The following PAPOLA variants were observed in gnomAD, a reference collection of about 807,000 sequenced individuals.
The protein encoded by PAPOLA is poly(A) polymerase alpha.
A neutral mutation model predicts 100.6 loss-of-function variants in PAPOLA; 15 were observed. The observed-to-expected ratio is 0.15, with a 90% CI of 0.10 to 0.23. The LOEUF is 0.23. Among genes scored for constraint, PAPOLA ranks in the 10% least tolerant of loss-of-function variants. The pLI, the probability that PAPOLA is intolerant of heterozygous loss-of-function variation, is 1.00. For missense variants in PAPOLA, 533 were observed against 884.2 expected (o/e 0.60, Z 5.04); for synonymous variants, 293 against 300.0 (o/e 0.98, Z 0.24).
intron 1 of PAPOLA, among the ~76,000 whole-genome samples, chr14:96,508,295 C>A (rs74821800): frequency 7.3e-4 from 111 of 152,280 alleles, no homozygotes; most frequent in African/African-American, 2.4e-3. Context: ...AGTAGATAAC[C>A]TTTAGGAAAG....
intron 9 of PAPOLA, 118 bp from the exon 10 acceptor site, chr14:96,534,373 A>G (rs1899337323): frequency 3.3e-6 from 5 of 1,507,290 alleles, no homozygotes; most frequent in Admixed American, 2.3e-5. Context: ...AAAACGTTGT[A>G]TGTACCAAGA....
At chr14:96,525,246 T>C in intron 3 of PAPOLA, 64 bp from the exon 4 acceptor site, 2 of 764,540 alleles carry the variant, frequency 2.6e-6, no homozygotes, top group African/African-American at 1.7e-5. Context: ...CACCCCAGTA[T>C]AGTATCATTT....
chr14:96,524,174 G>A (rs1274681128), intron 3 of PAPOLA, among the ~76,000 whole-genome samples: 3 of 151,974 alleles, frequency 2.0e-5, no homozygotes, highest in African/African-American at 7.3e-5. Context: ...ATACTGAGGA[G>A]TTAGGTAAAA....
At chr14:96,539,617 AT>A (rs985704749) in intron 12 of PAPOLA, among the ~76,000 whole-genome samples, 2 of 152,142 alleles carry the variant, frequency 1.3e-5, no homozygotes, top group Non-Finnish European at 2.9e-5. Flanking sequence ...GGAAAAGGTA[AT>A]GGCAATTGCA....
At chr14:96,517,971 T>C (rs1411616224) in intron 1 of PAPOLA, among the ~76,000 whole-genome samples, 2 of 152,078 alleles carry the variant, frequency 1.3e-5, no homozygotes, top group Admixed American at 1.3e-4. Context: ...CAAAATTTGC[T>C]GGGATTACAA....
intron 1 of PAPOLA, among the ~76,000 whole-genome samples, chr14:96,503,342 C>T (rs994297836): frequency 3.3e-5 from 5 of 152,046 alleles, no homozygotes; most frequent in African/African-American, 7.2e-5. Context: ...CTTTCTCTAT[C>T]TCTGGTGATA....
intron 15 of PAPOLA, among the ~76,000 whole-genome samples, chr14:96,546,614 C>T (rs772394153): frequency 1.3e-5 from 2 of 152,038 alleles, no homozygotes; most frequent in Non-Finnish European, 2.9e-5. Flanking sequence ...AGGCCTGGAG[C>T]AGCATTTGGT....
intron 19 of PAPOLA, among the ~76,000 whole-genome samples, chr14:96,559,581 C>CTCTCTCTCTCTATATATATA (rs370979875): frequency 1.7e-5 from 2 of 120,180 alleles, no homozygotes; most frequent in African/African-American, 6.7e-5. Context: ...CTCTCTCTCT[C>CTCTCTCTCTCTATATATATA]TATATATATA....
chr14:96,536,835 T>C, intron 11 of PAPOLA, 141 bp from the exon 12 acceptor site: 1 of 592,020 alleles, frequency 1.7e-6, no homozygotes. Flanking sequence ...AAGAGTATGC[T>C]CTAAAATCAT....
intron 1 of PAPOLA, among the ~76,000 whole-genome samples, chr14:96,507,778 G>GA (rs925947986): frequency 1.2e-4 from 19 of 152,158 alleles, no homozygotes; most frequent in Non-Finnish European, 2.5e-4. Flanking sequence ...CAAAATGTTT[G>GA]AAAACTTGAG....
intron 4 of PAPOLA, chr14:96,527,021 C>A (rs73351199): frequency 0.016 from 2,541 of 156,666 alleles, 72 homozygotes; most frequent in African/African-American, 0.058. Context: ...TTGTAGGTCC[C>A]ATTTAGGGGC....
chr14:96,562,257 T>C (rs909589227), intron 20 of PAPOLA, among the ~76,000 whole-genome samples: 1 of 152,128 alleles, frequency 6.6e-6, no homozygotes, highest in Non-Finnish European at 1.5e-5. Context: ...TTAAAAAGTT[T>C]AGAGTGATGG....
At chr14:96,527,046 A>G (rs564057105) in intron 4 of PAPOLA, 10 of 165,062 alleles carry the variant, frequency 6.1e-5, no homozygotes, top group African/African-American at 1.4e-4. Flanking sequence ...TAGAGAACCT[A>G]TAAGCACCAA....
intron 11 of PAPOLA, 184 bp from the exon 12 acceptor site, chr14:96,536,791 TC>T: frequency 2.3e-6 from 1 of 427,350 alleles, no homozygotes; most frequent in Non-Finnish European, 4.2e-6. Context: ...CAAAAAATCT[TC>T]CAGCTTTTTA....
At chr14:96,551,080 A>T (rs1434704758) in intron 16 of PAPOLA, among the ~76,000 whole-genome samples, 1 of 152,190 alleles carries the variant, frequency 6.6e-6, no homozygotes, top group Non-Finnish European at 1.5e-5. Context: ...ATTAAAAATT[A>T]TGATAGAATA....
intron 3 of PAPOLA, among the ~76,000 whole-genome samples, chr14:96,522,859 C>T (rs1381080214): frequency 6.6e-6 from 1 of 151,904 alleles, no homozygotes; most frequent in Non-Finnish European, 1.5e-5. Context: ...GTAATTTTTC[C>T]AGGGTAGTAC....
At chr14:96,529,072 A>G (rs903139183) in intron 6 of PAPOLA, among the ~76,000 whole-genome samples, 1 of 152,234 alleles carries the variant, frequency 6.6e-6, no homozygotes. Context: ...ATGGCTACTT[A>G]AAACATTTAA....
chr14:96,531,620 A>G (rs1400486528), intron 7 of PAPOLA, 34 bp downstream of exon 7: 3 of 1,568,382 alleles, frequency 1.9e-6, no homozygotes, highest in African/African-American at 2.7e-5. Context: ...TGTGTACTTC[A>G]GTTTTTGTCA....
At chr14:96,504,953 G>C (rs1896609778) in intron 1 of PAPOLA, among the ~76,000 whole-genome samples, 1 of 152,142 alleles carries the variant, frequency 6.6e-6, no homozygotes, top group South Asian at 2.1e-4. Context: ...CCCTAGGTGA[G>C]TTGTCGGAAT....
Sources: gnomAD v4.1 joint callset for allele counts (sites outside exome capture counted in the v4.1 genomes callset) on GRCh38, gnomAD v4.1.1 for gene constraint, MANE v1.5 for transcripts, NCBI Gene and HGNC (gene_info 2026-07-23, HGNC 2026-07-21) for gene names.